The following NELL1 variants were observed in gnomAD, a reference collection of about 807,000 sequenced individuals.
NELL1 encodes protein kinase C-binding protein NELL1.
Under a neutral mutation model 107.4 loss-of-function variants are expected in NELL1, and 76 were observed. That is an observed-to-expected ratio of 0.71 (90% CI 0.59 to 0.86). The LOEUF (loss-of-function observed/expected upper bound fraction) is 0.86, where lower values mean the gene tolerates loss of function less well. NELL1 is among the 40% of genes least tolerant of loss of function. NELL1 has a pLI of 0.00. For synonymous variants in NELL1, 353 were observed against 341.2 expected (o/e 1.03, Z -0.38); for missense variants, 1,024 against 1,005.5 (o/e 1.02, Z -0.25).
intron 14 of NELL1, among the ~76,000 whole-genome samples, chr11:21,239,934 G>T (rs967425107): frequency 2.0e-5 from 3 of 152,000 alleles, no homozygotes; most frequent in African/African-American, 7.2e-5. Flanking sequence ...AAGTTTTGGG[G>T]ATCACATATG....
intron 16 of NELL1, among the ~76,000 whole-genome samples, chr11:21,536,853 C>T (rs1856152070): frequency 2.6e-5 from 4 of 152,104 alleles, no homozygotes; most frequent in Admixed American, 2.6e-4. Context: ...CTGTAGAGCC[C>T]TATCACCCTC....
intron 13 of NELL1, among the ~76,000 whole-genome samples, chr11:21,170,966 T>C (rs1219182096): frequency 4.0e-5 from 6 of 151,740 alleles, no homozygotes; most frequent in Non-Finnish European, 8.8e-5. Context: ...GTGATAAACA[T>C]GGCAAGCTTT....
chr11:21,251,088 A>G (rs1051533931), intron 14 of NELL1, among the ~76,000 whole-genome samples: 13 of 152,200 alleles, frequency 8.5e-5, no homozygotes, highest in African/African-American at 3.1e-4. Flanking sequence ...TATATAAAAA[A>G]GCATTATCAG....
chr11:21,540,650 A>G (rs1856269714), intron 16 of NELL1, among the ~76,000 whole-genome samples: 1 of 151,730 alleles, frequency 6.6e-6, no homozygotes, highest in African/African-American at 2.4e-5. Flanking sequence ...GAGCTGGAGG[A>G]AGAGAGTGAA....
At chr11:21,444,424 C>A (rs902713764) in intron 15 of NELL1, among the ~76,000 whole-genome samples, 1 of 152,092 alleles carries the variant, frequency 6.6e-6, no homozygotes, top group Non-Finnish European at 1.5e-5. Context: ...AACTGTTTTT[C>A]TCAGGATTTA....
At chr11:21,046,683 T>C (rs996326817) in intron 12 of NELL1, among the ~76,000 whole-genome samples, 5 of 96,184 alleles carry the variant, frequency 5.2e-5, no homozygotes, top group Non-Finnish European at 7.7e-5. Context: ...CTCAATTATT[T>C]ATTTATTTAT....
At chr11:20,753,136 A>G (rs1254270401) in intron 2 of NELL1, among the ~76,000 whole-genome samples, 1 of 152,234 alleles carries the variant, frequency 6.6e-6, no homozygotes, top group Non-Finnish European at 1.5e-5. Context: ...TCCTGAGCCC[A>G]GATGAATCTC....
intron 15 of NELL1, among the ~76,000 whole-genome samples, chr11:21,426,803 G>A (rs1478873680): frequency 3.3e-5 from 5 of 152,142 alleles, no homozygotes; most frequent in Non-Finnish European, 7.4e-5. Context: ...TCTTGTGCAC[G>A]TATGGGAGGG....
intron 6 of NELL1, among the ~76,000 whole-genome samples, chr11:20,918,525 T>C (rs189660552): frequency 1.3e-5 from 2 of 152,142 alleles, no homozygotes; most frequent in Admixed American, 1.3e-4. Context: ...TGACTCACAG[T>C]TCCACATGGA....
chr11:20,973,102 T>A (rs1312355294), intron 12 of NELL1, among the ~76,000 whole-genome samples: 1 of 98,392 alleles, frequency 1.0e-5, no homozygotes, highest in Non-Finnish European at 2.1e-5. Flanking sequence ...TCTTCATTAC[T>A]TTTTTTTTTT....
chr11:21,488,885 G>A (rs980366522), intron 15 of NELL1, among the ~76,000 whole-genome samples: 1 of 151,774 alleles, frequency 6.6e-6, no homozygotes, highest in East Asian at 1.9e-4. Flanking sequence ...AACTGGAAAA[G>A]CAAGAACACA....
At chr11:21,544,496 T>G (rs548904073) in intron 16 of NELL1, among the ~76,000 whole-genome samples, 1 of 152,074 alleles carries the variant, frequency 6.6e-6, no homozygotes, top group Non-Finnish European at 1.5e-5. Context: ...TGGGGCTGAT[T>G]CGACCTGAAG....
intron 15 of NELL1, among the ~76,000 whole-genome samples, chr11:21,405,966 G>A (rs12226437): frequency 0.17 from 26,334 of 151,812 alleles, 2,883 homozygotes; most frequent in East Asian, 0.28. Context: ...GATTTCCAGG[G>A]ATTTAAAACC....
At chr11:21,338,361 T>A (rs771348722) in intron 14 of NELL1, among the ~76,000 whole-genome samples, 2 of 152,192 alleles carry the variant, frequency 1.3e-5, no homozygotes, top group Non-Finnish European at 1.5e-5. Flanking sequence ...ATACATATGG[T>A]TGCCCATCAC....
intron 12 of NELL1, among the ~76,000 whole-genome samples, chr11:21,093,808 G>GC (rs1854576823): frequency 6.6e-6 from 1 of 152,072 alleles, no homozygotes; most frequent in African/African-American, 2.4e-5. Flanking sequence ...GGAAAGACTT[G>GC]CCCCCATGAT....
At chr11:21,148,904 T>C (rs1168983959) in intron 13 of NELL1, among the ~76,000 whole-genome samples, 1 of 152,190 alleles carries the variant, frequency 6.6e-6, no homozygotes, top group Non-Finnish European at 1.5e-5. Context: ...GAACATAAAT[T>C]CTGCATATGG....
chr11:21,427,998 T>C (rs1852872121), intron 15 of NELL1, among the ~76,000 whole-genome samples: 1 of 152,210 alleles, frequency 6.6e-6, no homozygotes, highest in African/African-American at 2.4e-5. Flanking sequence ...GTTTGTGCTC[T>C]CAAGCAGCTG....
In NELL1 at chr11:20,678,010, T is replaced by G. The variant is rs773928818; in HGVS notation, c.134T>G (p.Val45Gly). The change falls in exon 2 of 20, where the codon GTT (valine) becomes GGT (glycine). Residue 45 changes from valine to glycine, a missense_variant. Val to Gly is a moderately radical substitution (Grantham distance 109, BLOSUM62 -3). Coordinates refer to ENST00000357134, the MANE Select transcript of NELL1 (RefSeq NM_006157.5). ...ELDLVNTTLG[V>G]AQVSGMHNAS... Reference sequence around the variant, plus strand: ...GACCTTGTGAACACCACCCTTGGAGTTGCTCAGGTGTCTGGAATGCACAAT... The same window carrying G: ...GACCTTGTGAACACCACCCTTGGAGGTGCTCAGGTGTCTGGAATGCACAAT... 5.0e-6 allele frequency: 8 copies of G among 1,613,932 alleles called. No individual in the cohort carries two copies. The African/African-American group carries it at 1.1e-4, about 22-fold the overall frequency.
At chr11:21,204,238 A>G (rs1290044418) in intron 13 of NELL1, among the ~76,000 whole-genome samples, 1 of 152,158 alleles carries the variant, frequency 6.6e-6, no homozygotes, top group African/African-American at 2.4e-5. Flanking sequence ...TGTCACTTTC[A>G]GGTACACCAA....
Sources: gnomAD v4.1 joint callset for allele counts (sites outside exome capture counted in the v4.1 genomes callset) on GRCh38, gnomAD v4.1.1 for gene constraint, MANE v1.5 for transcripts, NCBI Gene and HGNC (gene_info 2026-07-23, HGNC 2026-07-21) for gene names.